The following ROBO1 variants were observed in gnomAD, a reference collection of about 807,000 sequenced individuals.
The protein encoded by ROBO1 is roundabout homolog 1.
A neutral mutation model predicts 195.9 loss-of-function variants in ROBO1; 149 were observed. The observed-to-expected ratio is 0.76, with a 90% CI of 0.67 to 0.87. The LOEUF (loss-of-function observed/expected upper bound fraction) is 0.87. Among genes scored for constraint, ROBO1 ranks in the 40% least tolerant of loss-of-function variants. The probability of loss-of-function intolerance (pLI) is 0.00; values close to 1 mark genes in which losing one functional copy is unlikely to be tolerated. For missense variants in ROBO1, 1,933 were observed against 2,068.3 expected (o/e 0.93, Z 1.27); for synonymous variants, 816 against 733.2 (o/e 1.11, Z -1.82).
chr3:79,706,118 C>T (rs554569717), intron 1 of ROBO1, among the ~76,000 whole-genome samples: 1 of 152,034 alleles, frequency 6.6e-6, no homozygotes, highest in African/African-American at 2.4e-5. Flanking sequence ...GTATTTTTTC[C>T]TTCCCAATCA....
At chr3:79,710,632 A>G (rs982157291) in intron 1 of ROBO1, among the ~76,000 whole-genome samples, 1 of 152,164 alleles carries the variant, frequency 6.6e-6, no homozygotes, top group Non-Finnish European at 1.5e-5. Context: ...GTGCAAGGCA[A>G]TTGGTAAGTA....
At position 79,089,827 on chromosome 3, in the gene ROBO1, A is replaced by T. The variant is rs565161179; in HGVS notation, c.172+35629T>A. ...TGCTTTTCATAAATTTTCTGTTCCA[A>T]TCATCTGCCTATTTTTCTATTGGCG... On this transcript the variant is annotated intron_variant, in intron 3 of 30. Transcript: ENST00000464233. Among the ~76,000 whole-genome samples the T allele has an allele frequency of 2.0e-5, 3 of 152,146 alleles. No individual in the cohort carries two copies. In the South Asian group the frequency reaches 6.2e-4, roughly 32 times the overall value.
At chr3:78,805,045 T>C (rs1210207198) in intron 4 of ROBO1, among the ~76,000 whole-genome samples, 2 of 152,122 alleles carry the variant, frequency 1.3e-5, no homozygotes, top group African/African-American at 2.4e-5. Flanking sequence ...CCTTTCCAAG[T>C]AACTATTGAC....
At chr3:79,285,342 G>T (rs2031820503) in intron 2 of ROBO1, among the ~76,000 whole-genome samples, 1 of 152,198 alleles carries the variant, frequency 6.6e-6, no homozygotes, top group Non-Finnish European at 1.5e-5. Context: ...CGTATTGCTT[G>T]CACCTGTATA....
At chr3:78,672,245 AAACAAC>A (rs71631614) in intron 10 of ROBO1, among the ~76,000 whole-genome samples, 19 of 151,248 alleles carry the variant, frequency 1.3e-4, no homozygotes, top group African/African-American at 4.1e-4. Flanking sequence ...TCTTTGGTAA[AAACAAC>A]AACAACAACA....
At chr3:79,432,536 T>C (rs1402194788) in intron 2 of ROBO1, among the ~76,000 whole-genome samples, 1 of 152,120 alleles carries the variant, frequency 6.6e-6, no homozygotes, top group Non-Finnish European at 1.5e-5. Context: ...TATTAGGAAA[T>C]AATACAGGTA....
chr3:79,460,547 G>C (rs1325968398), intron 2 of ROBO1, among the ~76,000 whole-genome samples: 1 of 152,186 alleles, frequency 6.6e-6, no homozygotes, highest in East Asian at 1.9e-4. Flanking sequence ...AGTATTTATA[G>C]ATCTGAGAGA....
At chr3:79,026,751 C>T (rs1348237565) in intron 3 of ROBO1, among the ~76,000 whole-genome samples, 1 of 151,972 alleles carries the variant, frequency 6.6e-6, no homozygotes, top group East Asian at 1.9e-4. Flanking sequence ...TTAAAATTCT[C>T]CTAAATTGGG....
At chr3:79,021,164 C>T (rs891332481) in intron 3 of ROBO1, among the ~76,000 whole-genome samples, 3 of 152,178 alleles carry the variant, frequency 2.0e-5, no homozygotes, top group African/African-American at 7.2e-5. Flanking sequence ...AGACTCCAAC[C>T]AAAATCTTTT....
chr3:79,222,532 G>A (rs1559745762), intron 2 of ROBO1, among the ~76,000 whole-genome samples: 1 of 151,336 alleles, frequency 6.6e-6, no homozygotes, highest in Non-Finnish European at 1.5e-5. Context: ...GAAATATAGG[G>A]CCAGGTAAAA....
chr3:79,443,294 A>G (rs79316252), intron 2 of ROBO1, among the ~76,000 whole-genome samples: 1,626 of 152,234 alleles, frequency 0.011, 29 homozygotes, highest in African/African-American at 0.037. Context: ...TGTCATAAGA[A>G]TTCACTCAGA....
chr3:79,149,952 G>A (rs2080733868), intron 2 of ROBO1, among the ~76,000 whole-genome samples: 1 of 151,726 alleles, frequency 6.6e-6, no homozygotes, highest in Admixed American at 6.6e-5. Flanking sequence ...AGCACAAGGG[G>A]AATTTCCTAT....
At chr3:79,669,833 TTAAC>T in intron 1 of ROBO1, among the ~76,000 whole-genome samples, 1 of 152,066 alleles carries the variant, frequency 6.6e-6, no homozygotes, top group Admixed American at 6.6e-5. Context: ...TTTCCTAAAT[TTAAC>T]TAAAAGAAGG....
chr3:79,756,041 A>G lies in ROBO1; in HGVS notation c.-51+11711T>C, dbSNP rs867968654. ...CTCACCAGCTCTCATATCCAGAATC[A>G]CAATATTCACTGTTAAATATTTTAT... On this transcript the variant is annotated intron_variant, in intron 1 of 30. Transcript: ENST00000464233. Among the ~76,000 whole-genome samples the G allele has an allele frequency of 2.0e-5, 3 of 152,218 alleles. No individual in the cohort carries two copies. In the South Asian group the frequency reaches 6.2e-4, roughly 32 times the overall value.
chr3:79,212,221 G>A (rs913883516), intron 2 of ROBO1, among the ~76,000 whole-genome samples: 1 of 152,172 alleles, frequency 6.6e-6, no homozygotes, highest in African/African-American at 2.4e-5. Context: ...TTGTCACAGT[G>A]CTGCAGAGAT....
chr3:79,754,653 G>A (rs1704291236), intron 1 of ROBO1, among the ~76,000 whole-genome samples: 1 of 152,134 alleles, frequency 6.6e-6, no homozygotes, highest in Admixed American at 6.5e-5. Context: ...GGAATAGGAT[G>A]AAATATAAAG....
intron 2 of ROBO1, among the ~76,000 whole-genome samples, chr3:79,435,633 A>G (rs2038858948): frequency 6.6e-6 from 1 of 152,168 alleles, no homozygotes; most frequent in Non-Finnish European, 1.5e-5. Flanking sequence ...TCCTGTAGGA[A>G]CCACCAGAAC....
intron 10 of ROBO1, among the ~76,000 whole-genome samples, chr3:78,675,193 T>C (rs1249625608): frequency 6.6e-6 from 1 of 150,732 alleles, no homozygotes; most frequent in African/African-American, 2.4e-5. Context: ...GCAGCCAAGA[T>C]GGCCGAATAG....
intron 7 of ROBO1, among the ~76,000 whole-genome samples, chr3:78,716,799 C>T (rs529616203): frequency 2.0e-5 from 3 of 152,240 alleles, no homozygotes; most frequent in South Asian, 2.1e-4. Flanking sequence ...CTCCCTGATT[C>T]GTGCATCTCT....
Sources: gnomAD v4.1 joint callset for allele counts (sites outside exome capture counted in the v4.1 genomes callset) on GRCh38, gnomAD v4.1.1 for gene constraint, MANE v1.5 for transcripts, NCBI Gene and HGNC (gene_info 2026-07-23, HGNC 2026-07-21) for gene names.